PEDS1: variants seen among roughly 807,000 people sequenced by gnomAD.
PEDS1 encodes the protein plasmanylethanolamine desaturase 1, also known as CarF homolog.
PEDS1 carries 14 observed loss-of-function variants against 35.2 expected under a neutral mutation model. The ratio of observed to expected loss-of-function variants is 0.40; its 90% CI spans 0.26 to 0.62. The LOEUF (loss-of-function observed/expected upper bound fraction) is 0.62, where lower values mean the gene tolerates loss of function less well. Among genes scored for constraint, PEDS1 ranks in the 20% least tolerant of loss-of-function variants. PEDS1 has a pLI of 0.44. For missense variants in PEDS1, 260 were observed against 367.8 expected (o/e 0.71, Z 2.40); for synonymous variants, 152 against 152.0 (o/e 1.00, Z 0.00).
chr20:50,144,791 A>G (rs2081329551), intron 1 of PEDS1, among the ~76,000 whole-genome samples: 1 of 152,214 alleles, frequency 6.6e-6, no homozygotes, highest in Admixed American at 6.5e-5. Context: ...GCAAAGTGCC[A>G]AATAGCAGCC....
Position 50,128,668 on chromosome 20 carries a change from C to T in PEDS1, c.479-481G>A, listed in dbSNP as rs1347066513. On this transcript the variant is annotated intron_variant, in intron 4 of 5. Transcript: ENST00000371652. This position sits in a 1 kb window ranked among gnomAD's most constrained non-coding sequence, Gnocchi z 5.2. ...CGAAGGGAGGGAGGGAAGCAAGACA[C>T]GGCAGGGGAAGAGCAGAGCAAAGAT... Among the ~76,000 whole-genome samples the T allele has an allele frequency of 6.6e-6, 1 of 152,142 alleles. No individual in the cohort carries two copies. Among genetic ancestry groups the T allele is most frequent in the African/African-American group, 2.4e-5 (1 of 41,428 alleles).
intron 1 of PEDS1, among the ~76,000 whole-genome samples, chr20:50,144,436 G>A (rs552982346): frequency 6.6e-6 from 1 of 152,298 alleles, no homozygotes; most frequent in East Asian, 1.9e-4. Flanking sequence ...AGGAATTCAT[G>A]GACAAATAGG....
intron 2 of PEDS1, among the ~76,000 whole-genome samples, chr20:50,138,830 C>A (rs1308278506): frequency 1.3e-5 from 2 of 152,210 alleles, no homozygotes; most frequent in Non-Finnish European, 2.9e-5. Context: ...CCCTTCCCCG[C>A]AGAACACTGG....
rs1013740141 is a variant in PEDS1, at chr20:50,120,716, G to C, written c.*4342C>G. 6.6e-6 allele frequency: 1 copy of C among 152,176 alleles called. No homozygotes were observed. Among genetic ancestry groups the C allele is most frequent in the African/African-American group, 2.4e-5 (1 of 41,384 alleles). 9.4% of individuals were successfully genotyped at this position (152,176 alleles called of 1,614,324 possible). On this transcript the variant is annotated 3_prime_UTR_variant, in exon 6 of 6. Coordinates refer to ENST00000371652, the MANE Select transcript of PEDS1 (RefSeq NM_199129.4). Reference sequence around the variant, plus strand: ...TAGCTGGGGGTGGTGGCACATGTCTGTCGTTCCCGCTATTCAAGAGGCTGA... The same window carrying C: ...TAGCTGGGGGTGGTGGCACATGTCTCTCGTTCCCGCTATTCAAGAGGCTGA...
chr20:50,140,975 C>T (rs986507396), intron 2 of PEDS1, among the ~76,000 whole-genome samples: 4 of 152,172 alleles, frequency 2.6e-5, no homozygotes, highest in African/African-American at 7.2e-5. Context: ...TGTGCAGCCT[C>T]GAAAGCCAGA....
At chr20:50,148,830 G>A (rs891452738) in intron 1 of PEDS1, among the ~76,000 whole-genome samples, 1 of 152,150 alleles carries the variant, frequency 6.6e-6, no homozygotes, top group African/African-American at 2.4e-5. Context: ...TGAGAAACAG[G>A]CTGAGTGCCG....
chr20:50,148,779 A>G (rs969318630), intron 1 of PEDS1, among the ~76,000 whole-genome samples: 2 of 152,088 alleles, frequency 1.3e-5, no homozygotes, highest in African/African-American at 4.8e-5. Flanking sequence ...AGGGACAAAT[A>G]AGAGATGAGA....
At chr20:50,147,736 T>C (rs992087273) in intron 1 of PEDS1, among the ~76,000 whole-genome samples, 24 of 152,134 alleles carry the variant, frequency 1.6e-4, no homozygotes, top group Non-Finnish European at 2.9e-5. Flanking sequence ...GCAGACCAAA[T>C]ACCTTAATTC....
At chr20:50,143,476 C>T in intron 2 of PEDS1, 26 bp downstream of exon 2, 1 of 1,588,594 alleles carries the variant, frequency 6.3e-7, no homozygotes. Context: ...GAAGTTGAGG[C>T]AGGCAGCAGT....
At chr20:50,125,820 T>A (rs2081096942) in intron 5 of PEDS1, among the ~76,000 whole-genome samples, 1 of 152,160 alleles carries the variant, frequency 6.6e-6, no homozygotes, top group South Asian at 2.1e-4. Context: ...CTCGATCTCT[T>A]GACCTCGTGA....
rs1198334457 is a variant in PEDS1 at position 50,121,872 on chromosome 20, G to A, written c.*3186C>T. The stretch of plus-strand genomic sequence containing the variant: ...ACCACAGTGGTGAGGCTACTCCTAT[G>A]GCCTCTAAAGAATTTAGCTGCCTGT... On this transcript the variant is annotated 3_prime_UTR_variant, in exon 6 of 6. Transcript: ENST00000371652. 2 of 152,102 alleles carry A rather than the reference G, an allele frequency of 1.3e-5. No individual in the cohort carries two copies. The highest frequency in any genetic ancestry group is 4.8e-5 in the African/African-American group (2 of 41,384). The allele number at this position is 152,102 out of a possible 1,614,324, so 9.4% of individuals were successfully genotyped here.
intron 2 of PEDS1, among the ~76,000 whole-genome samples, chr20:50,138,096 G>A (rs528662025): frequency 6.6e-6 from 1 of 152,344 alleles, no homozygotes; most frequent in South Asian, 2.1e-4. Flanking sequence ...GAATAATGGA[G>A]GAAACTGCGT....
chr20:50,149,859 C>T (rs992462531), intron 1 of PEDS1, among the ~76,000 whole-genome samples: 3 of 152,202 alleles, frequency 2.0e-5, no homozygotes, highest in Non-Finnish European at 2.9e-5. Context: ...CCGGCCCAGT[C>T]CCGGGTTCCA....
rs758115631 is a variant in PEDS1 at position 50,128,000 on chromosome 20, G to A, written c.666C>T (p.His222=). The change falls in exon 5 of 6, where the codon CAC becomes CAT. Residue 222 remains histidine, a synonymous_variant. Coordinates refer to ENST00000371652, the MANE Select transcript of PEDS1 (RefSeq NM_199129.4). ...CTGTGGTGATGCAGAAGTAGGTCTC[G>A]TGGGGTGAGACGTGGTGGATGCGAT... The part of the protein sequence containing the change: ...KHHRIHHVSP[H]ETYFCITTGW... The A allele has an allele frequency of 2.7e-5, 44 of 1,614,000 alleles. 1 individual carries two copies. Among genetic ancestry groups the A allele is most frequent in the South Asian group, 2.3e-4 (21 of 91,082 alleles).
chr20:50,126,364 C>G lies in PEDS1; in HGVS notation c.692-1185G>C, dbSNP rs185903635. 2.7e-3 allele frequency among the ~76,000 whole-genome samples: 415 copies of G among 152,286 alleles called. 3 individuals are homozygous for G. The highest frequency in any genetic ancestry group is 0.024 in the Admixed American group (362 of 15,296). ...AACCAGGATTGGAACTCAGCCCTGCCTAAGTAGTTAACCCATCTCCTAAAT... is the reference window on the plus strand; with the variant it reads ...AACCAGGATTGGAACTCAGCCCTGCGTAAGTAGTTAACCCATCTCCTAAAT... On this transcript the variant is annotated intron_variant, in intron 5 of 5. Transcript: ENST00000371652.
In PEDS1 at chr20:50,130,984, A is replaced by AC. The variant is rs552330927; in HGVS notation, c.242-38dup. ...AGGGTGAGTGAAGGGACATCCCTGC[A>AC]CCCCCCCAATCAGAATCACTCATTC... On this transcript the variant is annotated intron_variant, in intron 2 of 5. Transcript: ENST00000371652. 415 of 1,613,236 alleles carry AC rather than the reference A, an allele frequency of 2.6e-4. 6 individuals are homozygous for AC. Among genetic ancestry groups the AC allele is most frequent in the South Asian group, 2.3e-3 (207 of 91,052 alleles).
Position 50,128,298 on chromosome 20 carries a change from C to G in PEDS1, c.479-111G>C. 1 of 1,346,392 alleles carries G rather than the reference C, an allele frequency of 7.4e-7. No homozygotes were observed. Among genetic ancestry groups the G allele is most frequent in the Non-Finnish European group, 1.0e-6 (1 of 983,588 alleles). 83.4% of individuals were successfully genotyped at this position (1,346,392 alleles called of 1,614,324 possible). ...GGCGGCTCCTGAGCTGGGCAAGCAC[C>G]CAGGATTCTCTTCCACCCCCTGCAG... On this transcript the variant is annotated intron_variant, in intron 4 of 5. Coordinates refer to ENST00000371652, the MANE Select transcript of PEDS1 (RefSeq NM_199129.4). The surrounding 1 kb of genome is among the most constrained non-coding windows in gnomAD (Gnocchi z 5.2).
rs569539185 is a variant in PEDS1 at position 50,145,605 on chromosome 20, C to T, written c.122-1984G>A. Among the ~76,000 whole-genome samples the T allele has an allele frequency of 3.6e-4, 55 of 152,084 alleles. 1 individual carries two copies. In the South Asian group the frequency reaches 6.8e-3, roughly 19 times the overall value. ...AGCTACTCGGGAGAGGCAGGAGAAT[C>T]GCTTGAACCCAGAAGGCGGAGGTTA... On this transcript the variant is annotated intron_variant, in intron 1 of 5. Transcript: ENST00000371652.
Position 50,129,505 on chromosome 20 carries a change from C to G in PEDS1, c.478+41G>C, listed in dbSNP as rs934298713. The G allele has an allele frequency of 1.2e-6, 2 of 1,612,562 alleles. No homozygotes were observed. The highest frequency in any genetic ancestry group is 1.7e-6 in the Non-Finnish European group (2 of 1,179,126). ...GGCTCCTGGGGGTCGGCCTCTGCCC[C>G]CAAGGCCCCCTCCCAGCCCACCACT... On this transcript the variant is annotated intron_variant, in intron 4 of 5. Transcript: ENST00000371652. The surrounding 1 kb of genome is among the most constrained non-coding windows in gnomAD (Gnocchi z 4.2).
Sources: gnomAD v4.1 joint callset for allele counts (sites outside exome capture counted in the v4.1 genomes callset) on GRCh38, gnomAD v4.1.1 for gene constraint, Gnocchi (gnomAD v3.1) non-coding constraint, MANE v1.5 for transcripts, NCBI Gene and HGNC (gene_info 2026-07-23, HGNC 2026-07-21) for gene names.